GBGT1: variants seen among roughly 807,000 people sequenced by gnomAD.
The protein encoded by GBGT1 is globoside alpha-1,3-N-acetylgalactosaminyltransferase 1.
A neutral mutation model predicts 20.9 loss-of-function variants in GBGT1; 18 were observed. The observed-to-expected ratio is 0.86, with a 90% CI of 0.60 to 1.28. The LOEUF (loss-of-function observed/expected upper bound fraction) is 1.28, where lower values mean the gene tolerates loss of function less well. GBGT1 is among the 50% of genes most tolerant of loss of function. The probability of loss-of-function intolerance (pLI) is 0.00; values close to 1 mark genes in which losing one functional copy is unlikely to be tolerated. For missense variants in GBGT1, 432 were observed against 455.7 expected (o/e 0.95, Z 0.47); for synonymous variants, 168 against 180.8 (o/e 0.93, Z 0.57).
At chr9:133,163,026 G>C (rs1443261821) in intron 1 of GBGT1, 1 of 153,890 alleles carries the variant, frequency 6.5e-6, no homozygotes, top group East Asian at 1.9e-4. Flanking sequence ...AGAGGGGCTG[G>C]GACCGACTTC....
chr9:133,158,883 T>C (rs1832951620), intron 3 of GBGT1, among the ~76,000 whole-genome samples: 1 of 152,210 alleles, frequency 6.6e-6, no homozygotes, highest in African/African-American at 2.4e-5. Context: ...CTTCTGCCTC[T>C]ATGAACTTGA....
intron 3 of GBGT1, among the ~76,000 whole-genome samples, chr9:133,157,196 A>G (rs1832896221): frequency 6.7e-6 from 1 of 149,202 alleles, no homozygotes; most frequent in Non-Finnish European, 1.5e-5. Flanking sequence ...AAGCAGGAGG[A>G]TGGCTTGAGC....
At chr9:133,156,529 G>C (rs34457549) in intron 3 of GBGT1, among the ~76,000 whole-genome samples, 4 of 151,768 alleles carry the variant, frequency 2.6e-5, no homozygotes, top group African/African-American at 9.7e-5. Context: ...GCATGGTGGC[G>C]GGCGCCTGTA....
At position 133,153,901 on chromosome 9, in the gene GBGT1, G is replaced by C; in HGVS notation, c.720C>G (p.Pro240=). 6.2e-7 allele frequency: 1 copy of C among 1,605,148 alleles called. No individual in the cohort carries two copies. The highest frequency in any genetic ancestry group is 8.5e-7 in the Non-Finnish European group (1 of 1,172,840). The change falls in exon 7 of 7, where the codon CCC becomes CCG. Residue 240 remains proline, a synonymous_variant. Coordinates refer to ENST00000372040, the MANE Select transcript of GBGT1 (RefSeq NM_021996.6). ...SYYAVPRQQF[P]YERRRVSTAF... ...CAGTGGAAACACGCCTGCGCTCATAGGGGAACTGCTGGCGGGGAACGGCGT... is the reference window on the plus strand; with the variant it reads ...CAGTGGAAACACGCCTGCGCTCATACGGGAACTGCTGGCGGGGAACGGCGT...
chr9:133,155,189 A>G lies in GBGT1; in HGVS notation c.348T>C (p.Phe116=), dbSNP rs370956476. ...PLNLTIGVTV[F]AVGKYTHFIQ... The stretch of plus-strand genomic sequence containing the variant: ...AGCCCACTACTCACTTCCCCACGGC[A>G]AACACCGTGACCCCAATGGTCAGGT... The change falls in exon 6 of 7, where the codon TTT becomes TTC. Residue 116 remains phenylalanine (F), a synonymous_variant. Coordinates refer to ENST00000372040, the MANE Select transcript of GBGT1 (RefSeq NM_021996.6). 1.2e-6 allele frequency: 2 copies of G among 1,613,912 alleles called. No individual in the cohort carries two copies. Among genetic ancestry groups the G allele is most frequent in the African/African-American group, 1.3e-5 (1 of 75,022 alleles).
chr9:133,155,444 G>C, intron 5 of GBGT1, 132 bp from the exon 6 acceptor site: 2 of 1,027,458 alleles, frequency 1.9e-6, no homozygotes, highest in Non-Finnish European at 2.8e-6. Context: ...TTCCTCATAT[G>C]GAAAGTGGGG....
chr9:133,156,494 T>C (rs1420772065), intron 3 of GBGT1, among the ~76,000 whole-genome samples: 1 of 152,008 alleles, frequency 6.6e-6, no homozygotes, highest in African/African-American at 2.4e-5. Flanking sequence ...ACCTCGTCTC[T>C]ACTAAAAATA....
At position 133,162,487 on chromosome 9, in the gene GBGT1, C is replaced by A. The variant is rs936179213; in HGVS notation, c.-75G>T. ...CTGGGCGGATGAGGCTGTCCCCTCGCAGGGATGTCAGGCTCTGAGCCTGGT... is the reference window on the plus strand; with the variant it reads ...CTGGGCGGATGAGGCTGTCCCCTCGAAGGGATGTCAGGCTCTGAGCCTGGT... On this transcript the variant is annotated 5_prime_UTR_variant, in exon 2 of 7. Transcript: ENST00000372040. 1.7e-6 allele frequency: 2 copies of A among 1,204,626 alleles called. No homozygotes were observed. The highest frequency in any genetic ancestry group is 1.2e-6 in the Non-Finnish European group (1 of 829,062). 74.6% of individuals were successfully genotyped at this position (1,204,626 alleles called of 1,614,324 possible).
chr9:133,155,335 C>T (rs1460335558), intron 5 of GBGT1, 23 bp from the exon 6 acceptor site: 38 of 1,613,092 alleles, frequency 2.4e-5, no homozygotes, highest in Non-Finnish European at 3.1e-5. Flanking sequence ...GGGCCGTGGG[C>T]ACTGAGACCC....
At chr9:133,159,570 C>T (rs1832971805) in intron 3 of GBGT1, among the ~76,000 whole-genome samples, 1 of 152,164 alleles carries the variant, frequency 6.6e-6, no homozygotes. Flanking sequence ...TTGGGACGAC[C>T]CCTTGAGGCC....
chr9:133,153,697 G>A lies in GBGT1; in HGVS notation c.924C>T (p.Asn308=). Residue 308 remains asparagine (N), a synonymous_variant, in exon 7 of 7, where the codon AAC becomes AAT. Coordinates refer to ENST00000372040, the MANE Select transcript of GBGT1 (RefSeq NM_021996.6). ...ESHLNRHFIS[N]KPSKVLSPEY... ...CGGGGGACAGCACCTTGGACGGCTT[G>A]TTTGAGATGAAGTGACGGTTCAGGT... 6.2e-7 allele frequency: 1 copy of A among 1,613,872 alleles called. No individual in the cohort carries two copies. The highest frequency in any genetic ancestry group is 1.7e-5 in the Admixed American group (1 of 60,006).
chr9:133,158,796 C>T (rs1306577567), intron 3 of GBGT1, among the ~76,000 whole-genome samples: 1 of 152,160 alleles, frequency 6.6e-6, no homozygotes, highest in African/African-American at 2.4e-5. Flanking sequence ...TTTTCATCAT[C>T]CCAAAAGGAA....
intron 3 of GBGT1, among the ~76,000 whole-genome samples, chr9:133,157,588 G>A (rs1330761220): frequency 6.6e-6 from 1 of 152,244 alleles, no homozygotes; most frequent in Non-Finnish European, 1.5e-5. Context: ...AGTAAGGTGA[G>A]GGATCCTGGG....
At chr9:133,160,966 C>T (rs1323980899) in intron 3 of GBGT1, 10 of 328,392 alleles carry the variant, frequency 3.0e-5, no homozygotes, top group African/African-American at 6.4e-5. Context: ...GCCAAGATCA[C>T]GCCACTGCAC....
In GBGT1 at chr9:133,156,198, C is replaced by G. The variant is rs948389723; in HGVS notation, c.138-133G>C. On this transcript the variant is annotated intron_variant, in intron 3 of 6. Transcript: ENST00000372040. ...CATGCAGGCTCCCTCTGACCTTCCC[C>G]CACAGCCCCACCCGACTCTACAGAG... 371 of 894,156 alleles carry G rather than the reference C, an allele frequency of 4.1e-4. 4 individuals are homozygous for G. Among genetic ancestry groups the G allele is most frequent in the Middle Eastern group, 1.6e-3 (5 of 3,046 alleles). 55.4% of individuals were successfully genotyped at this position (894,156 alleles called of 1,614,324 possible).
Position 133,154,241 on chromosome 9 carries a change from G to T in GBGT1, c.380C>A (p.Ser127Tyr). Residue 127 changes from serine (S) to tyrosine (Y), a missense_variant, in exon 7 of 7, where the codon TCC (serine) becomes TAC (tyrosine). By Grantham distance (144) the Ser-to-Tyr change is moderately radical. Coordinates refer to ENST00000372040, the MANE Select transcript of GBGT1 (RefSeq NM_021996.6). This position sits in a 1 kb window ranked among gnomAD's most constrained non-coding sequence, Gnocchi z 4.2. ...AVGKYTHFIQ[S>Y]FLESAEEFFM... The stretch of plus-strand genomic sequence containing the variant: ...GAACTCCTCGGCTGACTCCAGGAAG[G>T]ACTGGATGAAATGAGTGTACCTAGT... 6.5e-7 allele frequency: 1 copy of T among 1,529,190 alleles called. No individual in the cohort carries two copies. The highest frequency in any genetic ancestry group is 1.3e-5 in the South Asian group (1 of 78,702). The allele number at this position is 1,529,190 out of a possible 1,614,324, so 94.7% of individuals were successfully genotyped here. A position where few individuals can be genotyped will look rare whatever the true frequency, so the allele number is the denominator to read the frequency against.
At position 133,154,105 on chromosome 9, in the gene GBGT1, AC is replaced by A. The variant is rs1272971362; in HGVS notation, c.515del (p.Gly172ValfsTer130). On this transcript the variant is annotated frameshift_variant, in exon 7 of 7. Coordinates refer to ENST00000372040, the MANE Select transcript of GBGT1 (RefSeq NM_021996.6). LOFTEE classifies it low-confidence loss of function (END_TRUNC). The surrounding 1 kb of genome is among the most constrained non-coding windows in gnomAD (Gnocchi z 4.2). Reference sequence around the variant, plus strand: ...TGGATGTCTCCTCCCAGTGGGAGTGACCCTGGATGGGGATGGAGCTGAGAAG... The same window carrying A: ...TGGATGTCTCCTCCCAGTGGGAGTGACCTGGATGGGGATGGAGCTGAGAAG... ...HRLLSSIPIQ[G>X]HSHWEETSMR... 1 of 1,612,132 alleles carries A rather than the reference AC, an allele frequency of 6.2e-7. No homozygotes were observed. The highest frequency in any genetic ancestry group is 1.7e-5 in the Admixed American group (1 of 59,986).
chr9:133,158,019 C>G (rs1417427266), intron 3 of GBGT1, among the ~76,000 whole-genome samples: 2 of 151,682 alleles, frequency 1.3e-5, no homozygotes, highest in Non-Finnish European at 2.9e-5. Flanking sequence ...GTGGTGGGCA[C>G]CTGTAGTCCC....
chr9:133,154,667 T>G lies in GBGT1; in HGVS notation c.360-406A>C. On this transcript the variant is annotated intron_variant, in intron 6 of 6. Coordinates refer to ENST00000372040, the MANE Select transcript of GBGT1 (RefSeq NM_021996.6). This position sits in a 1 kb window ranked among gnomAD's most constrained non-coding sequence, Gnocchi z 4.2. ...AGGGAAGGCAAGTTGAGCTAGATGC[T>G]GGGGGCATGGAGGGGGGTGTGGTTG... The G allele has an allele frequency of 5.6e-6, 1 of 178,714 alleles. No homozygotes were observed. The highest frequency in any genetic ancestry group is 5.7e-5 in the Admixed American group (1 of 17,656). 11.1% of individuals were successfully genotyped at this position (178,714 alleles called of 1,614,324 possible).
Sources: allele counts gnomAD v4.1 joint callset (sites outside exome capture counted in the v4.1 genomes callset), GRCh38; gene constraint gnomAD v4.1.1; non-coding constraint Gnocchi (gnomAD v3.1); transcripts MANE v1.5; gene names NCBI Gene and HGNC (gene_info 2026-07-23, HGNC 2026-07-21).